Variants in CD58 observed in about 807,000 individuals in gnomAD.
CD58 encodes the protein CD58 molecule.
In CD58, 14 loss-of-function variants were observed where a neutral mutation model predicts 27.6. The ratio of observed to expected loss-of-function variants is 0.51; its 90% CI spans 0.34 to 0.79. The LOEUF (loss-of-function observed/expected upper bound fraction) is 0.79. Among genes scored for constraint, CD58 ranks in the 30% least tolerant of loss-of-function variants. CD58 has a pLI of 0.02. For missense variants in CD58, 268 were observed against 301.7 expected, an observed-to-expected ratio of 0.89 and a Z score of 0.83; for synonymous variants, 117 against 103.8, an observed-to-expected ratio of 1.13 and a Z score of -0.77.
At chr1:116,551,347 A>G (rs906486283) in intron 1 of CD58, among the ~76,000 whole-genome samples, 2 of 152,240 alleles carry the variant, frequency 1.3e-5, no homozygotes, top group Admixed American at 6.5e-5. Context: ...TGCAGCTTCT[A>G]CATCAACACT....
At chr1:116,525,812 T>A (rs1021807370) in intron 3 of CD58, among the ~76,000 whole-genome samples, 2 of 152,222 alleles carry the variant, frequency 1.3e-5, no homozygotes, top group Non-Finnish European at 2.9e-5. Context: ...AATTTTTGTA[T>A]TTTTACAAAA....
chr1:116,529,084 T>A (rs897485600), intron 3 of CD58, among the ~76,000 whole-genome samples: 1 of 152,202 alleles, frequency 6.6e-6, no homozygotes, highest in African/African-American at 2.4e-5. Context: ...AGTATTATTA[T>A]CCCCCACATT....
At position 116,538,024 on chromosome 1, in the gene CD58, T is replaced by C. The variant is rs1657875396; in HGVS notation, c.365-1796A>G. On this transcript the variant is annotated intron_variant, in intron 2 of 5. Coordinates refer to ENST00000369489, the MANE Select transcript of CD58 (RefSeq NM_001779.3). This position sits in a 1 kb window ranked among gnomAD's most constrained non-coding sequence, Gnocchi z 4.7. ...AAAGCATTTAATGGTTCCCCCATCT[T>C]CTCCTCCTCCTGAATTCCTTCTCGC... Among the ~76,000 whole-genome samples the C allele has an allele frequency of 6.6e-6, 1 of 152,116 alleles. No homozygotes were observed. The highest frequency in any genetic ancestry group is 6.5e-5 in the Admixed American group (1 of 15,274).
At chr1:116,553,782 T>A (rs1015876859) in intron 1 of CD58, among the ~76,000 whole-genome samples, 1 of 152,172 alleles carries the variant, frequency 6.6e-6, no homozygotes, top group African/African-American at 2.4e-5. Context: ...ATTAGGACCA[T>A]CACCTTGGGA....
chr1:116,531,806 G>A lies in CD58; in HGVS notation c.628+4159C>T, dbSNP rs1489864241. On this transcript the variant is annotated intron_variant, in intron 3 of 5. Transcript: ENST00000369489. This position sits in a 1 kb window ranked among gnomAD's most constrained non-coding sequence, Gnocchi z 4.5. ...ATATTCTAACTATTATGTACAAATTGAAAACACTGTATTCAGTTATAAATG... is the reference window on the plus strand; with the variant it reads ...ATATTCTAACTATTATGTACAAATTAAAAACACTGTATTCAGTTATAAATG... 6.6e-6 allele frequency among the ~76,000 whole-genome samples: 1 copy of A among 151,972 alleles called. No homozygotes were observed. The highest frequency in any genetic ancestry group is 1.5e-5 in the Non-Finnish European group (1 of 68,016).
Position 116,541,852 on chromosome 1 carries a change from CACCCA to C in CD58, c.364+2454_364+2458del, listed in dbSNP as rs2101185782. ...TTAAAGCCCTGACATGGGATGAGCTCACCCACTGGCTATGAACGCAGACAGAAAAG... is the reference window on the plus strand; with the variant it reads ...TTAAAGCCCTGACATGGGATGAGCTCCTGGCTATGAACGCAGACAGAAAAG... On this transcript the variant is annotated intron_variant, in intron 2 of 5. Transcript: ENST00000369489. The surrounding 1 kb of genome is among the most constrained non-coding windows in gnomAD (Gnocchi z 5.3). Among the ~76,000 whole-genome samples the C allele has an allele frequency of 6.6e-6, 1 of 152,264 alleles. No individual in the cohort carries two copies. The highest frequency in any genetic ancestry group is 2.1e-4 in the South Asian group (1 of 4,824).
At position 116,532,894 on chromosome 1, in the gene CD58, G is replaced by A; in HGVS notation, c.628+3071C>T. On this transcript the variant is annotated intron_variant, in intron 3 of 5. Coordinates refer to ENST00000369489, the MANE Select transcript of CD58 (RefSeq NM_001779.3). The surrounding 1 kb of genome is among the most constrained non-coding windows in gnomAD (Gnocchi z 5.1). Reference sequence around the variant, plus strand: ...GACTGAGGCCTCCCGCTACAGGCCCGGAGTCGCGACAGCCGGTCTGCCAGG... The same window carrying A: ...GACTGAGGCCTCCCGCTACAGGCCCAGAGTCGCGACAGCCGGTCTGCCAGG... 3 of 818,382 alleles carry A rather than the reference G, an allele frequency of 3.7e-6. No homozygotes were observed. Among genetic ancestry groups the A allele is most frequent in the South Asian group, 1.4e-5 (1 of 69,432 alleles). 50.7% of individuals were successfully genotyped at this position (818,382 alleles called of 1,614,324 possible). A position where few individuals can be genotyped will look rare whatever the true frequency, so the allele number is the denominator to read the frequency against.
rs1386405121 is a variant in CD58, at chr1:116,550,401, A to G, written c.71-5797T>C. ...TGTTCACAGCATCTTCACCAGGAGT[A>G]TAGATGCCATCTGAAGAAACCACTT... On this transcript the variant is annotated intron_variant, in intron 1 of 5. Transcript: ENST00000369489. The surrounding 1 kb of genome is among the most constrained non-coding windows in gnomAD (Gnocchi z 4.2). 1.3e-5 allele frequency among the ~76,000 whole-genome samples: 2 copies of G among 152,214 alleles called. No individual in the cohort carries two copies. Among genetic ancestry groups the G allele is most frequent in the East Asian group, 3.8e-4 (2 of 5,198 alleles).
In CD58 at chr1:116,544,418, A is replaced by C; in HGVS notation, c.257T>G (p.Val86Gly). ...SFKNRVYLDT[V>G]SGSLTIYNLT... The stretch of plus-strand genomic sequence containing the variant: ...GTTGTAGATAGTGAGGCTACCTGAC[A>C]CAGTGTCTAAATAAACCCTATTTTT... Residue 86 changes from valine (V) to glycine (G), a missense_variant, in exon 2 of 6, where the codon GTG becomes GGG. By Grantham distance (109) the Val-to-Gly change is moderately radical (BLOSUM62 -3). Transcript: ENST00000369489. The C allele has an allele frequency of 1.2e-6, 2 of 1,613,698 alleles. No individual in the cohort carries two copies. The highest frequency in any genetic ancestry group is 1.7e-6 in the Non-Finnish European group (2 of 1,179,684).
At chr1:116,537,543 G>A (rs1657852233) in intron 2 of CD58, among the ~76,000 whole-genome samples, 1 of 152,162 alleles carries the variant, frequency 6.6e-6, no homozygotes, top group Admixed American at 6.5e-5. Context: ...GCAGTGCAGG[G>A]AGCAGCATGT....
chr1:116,559,491 A>G lies in CD58; in HGVS notation c.70+11412T>C, dbSNP rs1460721433. Among the ~76,000 whole-genome samples the G allele has an allele frequency of 6.6e-6, 1 of 152,080 alleles. No homozygotes were observed. Among genetic ancestry groups the G allele is most frequent in the Admixed American group, 6.5e-5 (1 of 15,274 alleles). On this transcript the variant is annotated intron_variant, in intron 1 of 5. Transcript: ENST00000369489. This position sits in a 1 kb window ranked among gnomAD's most constrained non-coding sequence, Gnocchi z 4.4. ...TTGGGGCCATTCCTCTTTTTTCCTG[A>G]TCGATTCCACCCTTAGCCGGTCCCA...
intron 1 of CD58, among the ~76,000 whole-genome samples, chr1:116,564,331 T>G (rs929846851): frequency 1.3e-5 from 2 of 152,244 alleles, no homozygotes; most frequent in Non-Finnish European, 2.9e-5. Flanking sequence ...CACATCTTCC[T>G]GTCTTCTTCT....
In CD58 at chr1:116,531,255, C is replaced by T. The variant is rs1206136071; in HGVS notation, c.628+4710G>A. Among the ~76,000 whole-genome samples, 1 of 152,058 alleles carries T rather than the reference C, an allele frequency of 6.6e-6. No homozygotes were observed. The highest frequency in any genetic ancestry group is 1.5e-5 in the Non-Finnish European group (1 of 67,978). The stretch of plus-strand genomic sequence containing the variant: ...ACATAAAGTTTTGCAAGGGCAAAAC[C>T]TTTAAAAATCCCCTAAAATATTCCA... On this transcript the variant is annotated intron_variant, in intron 3 of 5. Transcript: ENST00000369489. The surrounding 1 kb of genome is among the most constrained non-coding windows in gnomAD (Gnocchi z 4.5).
intron 1 of CD58, among the ~76,000 whole-genome samples, chr1:116,556,540 G>A (rs1282527842): frequency 6.6e-6 from 1 of 152,138 alleles, no homozygotes; most frequent in Non-Finnish European, 1.5e-5. Flanking sequence ...TTGCAAATGA[G>A]AAAGTCAAAC....
At chr1:116,547,517 G>A (rs1005400475) in intron 1 of CD58, among the ~76,000 whole-genome samples, 1 of 151,722 alleles carries the variant, frequency 6.6e-6, no homozygotes, top group African/African-American at 2.4e-5. Context: ...TTTTAGTAAA[G>A]ACGGGGTTTC....
chr1:116,529,286 G>A (rs1657522915), intron 3 of CD58, among the ~76,000 whole-genome samples: 1 of 152,184 alleles, frequency 6.6e-6, no homozygotes, highest in Admixed American at 6.5e-5. Context: ...TCTGTAGCAT[G>A]GGCATAAAAC....
At chr1:116,547,611 G>A (rs748824964) in intron 1 of CD58, among the ~76,000 whole-genome samples, 3 of 152,014 alleles carry the variant, frequency 2.0e-5, no homozygotes, top group Non-Finnish European at 4.4e-5. Context: ...TTACAGACAC[G>A]AGCCACCGCG....
chr1:116,519,005 G>T lies in CD58; in HGVS notation c.743+226C>A. The T allele has an allele frequency of 1.8e-6, 2 of 1,095,016 alleles. No homozygotes were observed. The highest frequency in any genetic ancestry group is 2.5e-6 in the Non-Finnish European group (2 of 796,312). The allele number at this position is 1,095,016 out of a possible 1,614,324, so 67.8% of individuals were successfully genotyped here. On this transcript the variant is annotated intron_variant, in intron 5 of 5. Coordinates refer to ENST00000369489, the MANE Select transcript of CD58 (RefSeq NM_001779.3). This position sits in a 1 kb window ranked among gnomAD's most constrained non-coding sequence, Gnocchi z 4.7. ...AGGGGTATGATACTCCTCCTGCAAGGCTCATTGAGAGGGTTCCAGGAAACG... is the reference window on the plus strand; with the variant it reads ...AGGGGTATGATACTCCTCCTGCAAGTCTCATTGAGAGGGTTCCAGGAAACG...
chr1:116,556,840 T>C (rs1465267798), intron 1 of CD58, among the ~76,000 whole-genome samples: 2 of 152,146 alleles, frequency 1.3e-5, no homozygotes, highest in Non-Finnish European at 2.9e-5. Flanking sequence ...CCAGTGAGCC[T>C]ACAGGGAGGG....
Sources: gnomAD v4.1 joint callset for allele counts (sites outside exome capture counted in the v4.1 genomes callset) on GRCh38, gnomAD v4.1.1 for gene constraint, Gnocchi (gnomAD v3.1) non-coding constraint, MANE v1.5 for transcripts, NCBI Gene and HGNC (gene_info 2026-07-23, HGNC 2026-07-21) for gene names.